The following NCOR1 variants were observed in gnomAD, a reference collection of about 807,000 sequenced individuals.
NCOR1 encodes protein phosphatase 1, regulatory subunit 109.
Under a neutral mutation model 288.1 loss-of-function variants are expected in NCOR1, and 63 were observed. That is an observed-to-expected ratio of 0.22 (90% CI 0.18 to 0.27). The LOEUF (loss-of-function observed/expected upper bound fraction) is 0.27. NCOR1 is among the 10% of genes least tolerant of loss of function. The probability of loss-of-function intolerance (pLI) is 1.00; values close to 1 mark genes in which losing one functional copy is unlikely to be tolerated. For synonymous variants in NCOR1, 1,007 were observed against 1,065.9 expected, an observed-to-expected ratio of 0.94 and a Z score of 1.08; for missense variants, 2,397 against 3,019.2, an observed-to-expected ratio of 0.79 and a Z score of 4.83.
intron 44 of NCOR1, among the ~76,000 whole-genome samples, chr17:16,035,156 G>GCCTC (rs1973999562): frequency 6.6e-6 from 1 of 152,152 alleles, no homozygotes; most frequent in Admixed American, 6.5e-5. Context: ...GGATGGTCTT[G>GCCTC]CCTCCATGTT....
At chr17:16,079,585 T>C (rs940592782) in intron 26 of NCOR1, among the ~76,000 whole-genome samples, 3 of 152,198 alleles carry the variant, frequency 2.0e-5, no homozygotes, top group Admixed American at 6.5e-5. Flanking sequence ...CATACTGAGA[T>C]TCTACAACTA....
chr17:16,074,408 G>A (rs924612335), intron 27 of NCOR1, among the ~76,000 whole-genome samples: 11 of 152,144 alleles, frequency 7.2e-5, no homozygotes, highest in Non-Finnish European at 1.5e-4. Context: ...GACACTTTAG[G>A]AAAATAAACA....
chr17:16,174,633 A>G (rs2083751177), intron 3 of NCOR1, among the ~76,000 whole-genome samples: 1 of 152,188 alleles, frequency 6.6e-6, no homozygotes, highest in African/African-American at 2.4e-5. Flanking sequence ...AGAAGAACAA[A>G]TCTACTCAGC....
At position 16,080,509 on chromosome 17, in the gene NCOR1, G is replaced by C. The variant is rs530954445; in HGVS notation, c.3299C>G (p.Ala1100Gly). The change falls in exon 25 of 46, where the codon GCT becomes GGT. Residue 1100 changes from alanine (A) to glycine (G), a missense_variant and splice_region_variant. Coordinates refer to ENST00000268712, the MANE Select transcript of NCOR1 (RefSeq NM_006311.4). ...LPRQQESAKS[A>G]TLPYIKQEEF... ...TTCCTGCTTGATGTAGGGCAAAGTAGCTGTGGAAAGGCAGAGAAACATGAA... is the reference window on the plus strand; with the variant it reads ...TTCCTGCTTGATGTAGGGCAAAGTACCTGTGGAAAGGCAGAGAAACATGAA... 15 of 1,614,030 alleles carry C rather than the reference G, an allele frequency of 9.3e-6. No homozygotes were observed. The African/African-American group carries it at 1.7e-4, about 19-fold the overall frequency.
chr17:16,145,231 CG>C (rs2077713657), intron 10 of NCOR1, among the ~76,000 whole-genome samples: 1 of 152,222 alleles, frequency 6.6e-6, no homozygotes, highest in Non-Finnish European at 1.5e-5. Context: ...AGTGCAGTGG[CG>C]TGATCTAGGC....
intron 1 of NCOR1, among the ~76,000 whole-genome samples, chr17:16,204,421 C>T (rs1320590917): frequency 1.3e-5 from 2 of 152,132 alleles, no homozygotes; most frequent in Non-Finnish European, 2.9e-5. Context: ...TAAATTACAA[C>T]CTGGGGACTC....
intron 4 of NCOR1, among the ~76,000 whole-genome samples, chr17:16,169,605 C>T (rs1196230932): frequency 6.7e-6 from 1 of 149,374 alleles, no homozygotes; most frequent in Non-Finnish European, 1.5e-5. Context: ...GGACTAGAGT[C>T]GGGGTCCTGG....
At chr17:16,069,583 A>G (rs1242271463) in intron 31 of NCOR1, among the ~76,000 whole-genome samples, 1 of 152,264 alleles carries the variant, frequency 6.6e-6, no homozygotes, top group Admixed American at 6.5e-5. Context: ...AATAATAACA[A>G]CAGTAACACC....
At chr17:16,193,397 C>T (rs370496896) in intron 2 of NCOR1, among the ~76,000 whole-genome samples, 2 of 151,904 alleles carry the variant, frequency 1.3e-5, no homozygotes, top group Non-Finnish European at 2.9e-5. Context: ...TGCCTGGCTA[C>T]TTTTTTCGTA....
intron 9 of NCOR1, 83 bp from the exon 10 acceptor site, chr17:16,146,631 T>C: frequency 8.1e-7 from 1 of 1,236,078 alleles, no homozygotes; most frequent in Non-Finnish European, 1.1e-6. Flanking sequence ...TAAATGCTAC[T>C]TCTTAAGGTT....
intron 21 of NCOR1, among the ~76,000 whole-genome samples, chr17:16,095,176 C>T (rs1159089219): frequency 6.6e-6 from 1 of 151,780 alleles, no homozygotes; most frequent in African/African-American, 2.4e-5. Flanking sequence ...CTCTGCCCGG[C>T]CGCCCATCGT....
intron 41 of NCOR1, among the ~76,000 whole-genome samples, chr17:16,048,469 C>T (rs541704499): frequency 6.6e-5 from 10 of 151,980 alleles, no homozygotes; most frequent in Admixed American, 1.3e-4. Flanking sequence ...GTTGGGGTCA[C>T]GGTTAGAAAT....
At chr17:16,059,292 C>T (rs1176813762) in intron 37 of NCOR1, among the ~76,000 whole-genome samples, 5 of 152,130 alleles carry the variant, frequency 3.3e-5, no homozygotes, top group African/African-American at 1.2e-4. Context: ...TATAAAGCTG[C>T]TTCATTCACC....
chr17:16,182,614 C>T (rs571108826), intron 3 of NCOR1, among the ~76,000 whole-genome samples: 3 of 152,094 alleles, frequency 2.0e-5, no homozygotes, highest in Non-Finnish European at 4.4e-5. Context: ...ACCACCACGC[C>T]CGGCTAATGT....
At position 16,032,403 on chromosome 17, in the gene NCOR1, A is replaced by G. The variant is rs1396049544; in HGVS notation, c.7216T>C (p.Ser2406Pro). The change falls in exon 46 of 46, where the codon TCT becomes CCT. Residue 2406 changes from serine to proline, a missense_variant. By Grantham distance (74) the Ser-to-Pro change is moderately conservative. Around this residue, in one of 11 missense-constraint regions of NCOR1, gnomAD observed 1,872 missense variants for 2,187.8 expected, o/e 0.86. Transcript: ENST00000268712. ...TGAGGAGCTGCTTGGTTCACCGCAG[A>G]GGGAGCACATGCAATCGGTGTTGGT... The part of the protein sequence containing the change: ...TPPTPIACAP[S>P]AVNQAAPHQQ... 6.2e-7 allele frequency: 1 copy of G among 1,614,126 alleles called. No homozygotes were observed.
chr17:16,058,334 T>G, intron 38 of NCOR1, 137 bp downstream of exon 38: 1 of 1,161,604 alleles, frequency 8.6e-7, no homozygotes, highest in Non-Finnish European at 1.2e-6. Flanking sequence ...CGATTGCTGT[T>G]TCTAAAGAAG....
At chr17:16,177,451 C>T (rs1002138163) in intron 3 of NCOR1, among the ~76,000 whole-genome samples, 3 of 152,150 alleles carry the variant, frequency 2.0e-5, no homozygotes, top group African/African-American at 7.2e-5. Flanking sequence ...CCCTCCTGCT[C>T]AGGTACATTG....
At chr17:16,173,305 A>C (rs1266033906) in intron 3 of NCOR1, among the ~76,000 whole-genome samples, 2 of 152,214 alleles carry the variant, frequency 1.3e-5, no homozygotes, top group African/African-American at 4.8e-5. Context: ...TAAAATTCAG[A>C]GTGACATCAC....
In NCOR1 at chr17:16,121,239, A is replaced by G; in HGVS notation, c.1665T>C (p.Asp555=). ...TTTCCTCAGTTTCTTCTGCTGTACC[A>G]TCTATCTTGTCCTTTTCCTTGGTAT... The part of the protein sequence containing the change: ...KENTKEKDKI[D]GTAEETEERE... The change falls in exon 16 of 46, where the codon GAT becomes GAC. Residue 555 remains aspartate, a synonymous_variant. Coordinates refer to ENST00000268712, the MANE Select transcript of NCOR1 (RefSeq NM_006311.4). 4 of 1,613,886 alleles carry G rather than the reference A, an allele frequency of 2.5e-6. No homozygotes were observed. The highest frequency in any genetic ancestry group is 3.4e-6 in the Non-Finnish European group (4 of 1,180,002).
Sources: allele counts gnomAD v4.1 joint callset (sites outside exome capture counted in the v4.1 genomes callset), GRCh38; gene constraint gnomAD v4.1.1; regional missense constraint gnomAD v4.1.1; transcripts MANE v1.5; gene names NCBI Gene and HGNC (gene_info 2026-07-23, HGNC 2026-07-21).